Variants in TNFRSF10A observed in about 807,000 individuals in gnomAD.
TNFRSF10A encodes the protein TNF receptor superfamily member 10a.
In TNFRSF10A, 44 loss-of-function variants were observed where a neutral mutation model predicts 42.8. That is an observed-to-expected ratio of 1.03 (90% CI 0.81 to 1.32). The LOEUF (loss-of-function observed/expected upper bound fraction) is 1.32. Ranked by LOEUF, TNFRSF10A falls within the 40% of genes most tolerant of loss-of-function variation. The pLI is 0.00. For missense variants in TNFRSF10A, 680 were observed against 602.0 expected (o/e 1.13, Z -1.36); for synonymous variants, 259 against 234.2 (o/e 1.11, Z -0.97).
At chr8:23,198,544 C>T (rs1224792317) in intron 8 of TNFRSF10A, among the ~76,000 whole-genome samples, 2 of 151,912 alleles carry the variant, frequency 1.3e-5, no homozygotes, top group African/African-American at 2.4e-5. Flanking sequence ...AGAGACAAGA[C>T]ACTGATCTTA....
chr8:23,202,395 C>T (rs1285813882), intron 3 of TNFRSF10A, among the ~76,000 whole-genome samples: 2 of 152,264 alleles, frequency 1.3e-5, no homozygotes, highest in African/African-American at 2.4e-5. Flanking sequence ...GCCCTGTCCA[C>T]TCAGCCAGGC....
intron 1 of TNFRSF10A, among the ~76,000 whole-genome samples, chr8:23,212,515 A>G (rs1203755331): frequency 1.3e-5 from 2 of 152,202 alleles, no homozygotes; most frequent in African/African-American, 2.4e-5. Flanking sequence ...AATTAGCATA[A>G]AATCATCACG....
chr8:23,193,303 C>T (rs552656864), intron 9 of TNFRSF10A, among the ~76,000 whole-genome samples: 1 of 152,338 alleles, frequency 6.6e-6, no homozygotes, highest in South Asian at 2.1e-4. Flanking sequence ...GCCCCGCTAA[C>T]TTTGGCTGGA....
chr8:23,205,759 G>GA (rs1800996269), intron 2 of TNFRSF10A, among the ~76,000 whole-genome samples: 5 of 147,912 alleles, frequency 3.4e-5, no homozygotes, highest in Admixed American at 2.7e-4. Context: ...CACCCAGGCT[G>GA]GAGTGCAGTG....
rs757158683 is a variant in TNFRSF10A at position 23,197,126 on chromosome 8, A to T, written c.1087+6T>A. 6.2e-6 allele frequency: 10 copies of T among 1,614,036 alleles called. No homozygotes were observed. Among genetic ancestry groups the T allele is most frequent in the African/African-American group, 1.3e-5 (1 of 75,032 alleles). ...TCTGCTGCATCTCCAGGAGCAAAACACTTACTCTCAGTGGGGTCAGCACCA... is the reference window on the plus strand; with the variant it reads ...TCTGCTGCATCTCCAGGAGCAAAACTCTTACTCTCAGTGGGGTCAGCACCA... On this transcript the variant is annotated splice_donor_region_variant and intron_variant, in intron 9 of 9. Transcript: ENST00000221132.
chr8:23,191,799 C>T lies in TNFRSF10A; in HGVS notation c.1302G>A (p.Arg434=), dbSNP rs767624370. 2 of 1,614,112 alleles carry T rather than the reference C, an allele frequency of 1.2e-6. No individual in the cohort carries two copies. The highest frequency in any genetic ancestry group is 1.7e-6 in the Non-Finnish European group (2 of 1,180,004). Reference sequence around the variant, plus strand: ...TCTCTCTTGCATGTCTCTCTTCCATCCTCTCCAAGGCATCCAGCAGGGTGT... The same window carrying T: ...TCTCTCTTGCATGTCTCTCTTCCATTCTCTCCAAGGCATCCAGCAGGGTGT... ...SIHTLLDALE[R]MEERHAREKI... is the part of the protein sequence containing the mutation. The change falls in exon 10 of 10, where the codon AGG becomes AGA. Residue 434 remains arginine (R), a synonymous_variant. Transcript: ENST00000221132.
Position 23,197,118 on chromosome 8 carries a change from A to ATCTGCT in TNFRSF10A, c.1087+13_1087+14insAGCAGA, listed in dbSNP as rs751301961. ...CCACCATTTCTGCTGCATCTCCAGG[A>ATCTGCT]GCAAAACACTTACTCTCAGTGGGGT... On this transcript the variant is annotated intron_variant, in intron 9 of 9. Transcript: ENST00000221132. 6 of 1,614,104 alleles carry ATCTGCT rather than the reference A, an allele frequency of 3.7e-6. No individual in the cohort carries two copies. Among genetic ancestry groups the ATCTGCT allele is most frequent in the Middle Eastern group, 1.6e-4 (1 of 6,062 alleles).
In TNFRSF10A at chr8:23,199,871, G is replaced by C; in HGVS notation, c.831+15C>G. On this transcript the variant is annotated intron_variant, in intron 7 of 9. Transcript: ENST00000221132. ...GAGCCCCTGATGCCCCCAGCTCCTG[G>C]AGAAATCAACTCACCCTGTCCATGC... The C allele has an allele frequency of 6.2e-7, 1 of 1,614,156 alleles. No homozygotes were observed. The highest frequency in any genetic ancestry group is 8.5e-7 in the Non-Finnish European group (1 of 1,180,006).
At chr8:23,217,782 T>C (rs1448671802) in intron 1 of TNFRSF10A, among the ~76,000 whole-genome samples, 1 of 152,046 alleles carries the variant, frequency 6.6e-6, no homozygotes, top group Non-Finnish European at 1.5e-5. Flanking sequence ...GTGCAAGGAA[T>C]CGTGGGGTAT....
At chr8:23,205,439 T>C (rs986519208) in intron 2 of TNFRSF10A, among the ~76,000 whole-genome samples, 8 of 152,160 alleles carry the variant, frequency 5.3e-5, no homozygotes, top group African/African-American at 1.9e-4. Flanking sequence ...TATTTGATAA[T>C]GATAATAAAT....
chr8:23,203,924 G>T (rs189613770), intron 2 of TNFRSF10A, among the ~76,000 whole-genome samples: 1 of 151,932 alleles, frequency 6.6e-6, no homozygotes, highest in East Asian at 1.9e-4. Flanking sequence ...CTACAGGAGC[G>T]TGCCACCACG....
At chr8:23,200,838 C>T (rs1332065199) in intron 4 of TNFRSF10A, 78 bp from the exon 5 acceptor site, 3 of 1,334,660 alleles carry the variant, frequency 2.2e-6, no homozygotes, top group Admixed American at 3.4e-5. Context: ...AGCCACTCTC[C>T]CTGCCCAATG....
chr8:23,223,156 C>A (rs1311840792), intron 1 of TNFRSF10A, among the ~76,000 whole-genome samples: 2 of 152,358 alleles, frequency 1.3e-5, no homozygotes, highest in South Asian at 4.1e-4. Flanking sequence ...AGCTCCGCCT[C>A]CCAGGTTCAC....
intron 2 of TNFRSF10A, among the ~76,000 whole-genome samples, chr8:23,206,385 AT>A (rs1215401720): frequency 6.6e-6 from 1 of 152,328 alleles, no homozygotes; most frequent in African/African-American, 2.4e-5. Flanking sequence ...TGCAAGCTCC[AT>A]TCATGGTAAG....
chr8:23,200,427 G>A, intron 6 of TNFRSF10A, 78 bp downstream of exon 6: 1 of 1,513,798 alleles, frequency 6.6e-7, no homozygotes, highest in South Asian at 1.1e-5. Flanking sequence ...TGGGGCAGGG[G>A]TGAGCGTTTC....
chr8:23,219,538 G>A (rs549467797), intron 1 of TNFRSF10A, among the ~76,000 whole-genome samples: 7 of 152,298 alleles, frequency 4.6e-5, no homozygotes, highest in South Asian at 4.1e-4. Context: ...ACATGGCTCC[G>A]GCAGATTATT....
intron 2 of TNFRSF10A, among the ~76,000 whole-genome samples, chr8:23,210,567 T>G (rs891320284): frequency 6.6e-6 from 1 of 151,996 alleles, no homozygotes; most frequent in Non-Finnish European, 1.5e-5. Context: ...CTGTAGTCCC[T>G]GCTACTTGGA....
intron 2 of TNFRSF10A, among the ~76,000 whole-genome samples, chr8:23,203,730 T>C (rs1348866412): frequency 6.6e-6 from 1 of 152,226 alleles, no homozygotes; most frequent in Admixed American, 6.5e-5. Flanking sequence ...AATGTGGTTA[T>C]TGAGTAATAG....
At chr8:23,197,249 T>C (rs781628577) in intron 8 of TNFRSF10A, 45 bp from the exon 9 acceptor site, 92 of 1,611,326 alleles carry the variant, frequency 5.7e-5, no homozygotes, top group Non-Finnish European at 7.6e-5. Flanking sequence ...TCAGGGGTCC[T>C]GCAGTCTAGT....
Sources: allele counts gnomAD v4.1 joint callset (sites outside exome capture counted in the v4.1 genomes callset), GRCh38; gene constraint gnomAD v4.1.1; transcripts MANE v1.5; gene names NCBI Gene and HGNC (gene_info 2026-07-23, HGNC 2026-07-21).